Variants in PDE4D observed in about 807,000 individuals in gnomAD.
PDE4D encodes phosphodiesterase 4D.
PDE4D carries 24 observed loss-of-function variants against 87.4 expected under a neutral mutation model. The observed-to-expected ratio is 0.27, with a 90% CI of 0.20 to 0.39. PDE4D has a LOEUF of 0.39. Ranked by LOEUF, PDE4D falls within the 10% of genes least tolerant of loss-of-function variation. PDE4D has a pLI of 1.00. For synonymous variants in PDE4D, 384 were observed against 383.2 expected, an observed-to-expected ratio of 1.00 and a Z score of -0.02; for missense variants, 714 against 1,041.0, an observed-to-expected ratio of 0.69 and a Z score of 4.32.
chr5:60,270,507 T>C (rs1437884624), intron 1 of PDE4D, among the ~76,000 whole-genome samples: 1 of 152,224 alleles, frequency 6.6e-6, no homozygotes. Context: ...ATTTTTCATC[T>C]TTATCTCTAT....
intron 1 of PDE4D, among the ~76,000 whole-genome samples, chr5:59,627,088 C>A (rs1251908993): frequency 2.6e-5 from 4 of 152,104 alleles, no homozygotes; most frequent in African/African-American, 9.7e-5. Context: ...GTCTACTCTA[C>A]AACCACATTC....
At chr5:59,535,076 TGGG>T (rs72213048) in intron 1 of PDE4D, among the ~76,000 whole-genome samples, 1 of 107,520 alleles carries the variant, frequency 9.3e-6, no homozygotes, top group East Asian at 5.0e-4. Flanking sequence ...TGTGTGTGTG[TGGG>T]GGGGGGGTCC....
chr5:59,276,808 A>G (rs983087670), intron 1 of PDE4D, among the ~76,000 whole-genome samples: 2 of 152,044 alleles, frequency 1.3e-5, no homozygotes, highest in Non-Finnish European at 2.9e-5. Flanking sequence ...TATCTTGTCA[A>G]TATCTCTTAT....
At chr5:59,533,194 A>T (rs1199226390) in intron 1 of PDE4D, among the ~76,000 whole-genome samples, 1 of 152,238 alleles carries the variant, frequency 6.6e-6, no homozygotes, top group Non-Finnish European at 1.5e-5. Context: ...ATCTTTCAAA[A>T]AATGGCACTT....
At chr5:60,137,299 C>T (rs193249002) in intron 2 of PDE4D, among the ~76,000 whole-genome samples, 16 of 152,296 alleles carry the variant, frequency 1.1e-4, no homozygotes, top group Admixed American at 7.9e-4. Context: ...GATTTATATT[C>T]CTTTGGGTAT....
At chr5:60,424,752 T>C (rs889805530) in intron 1 of PDE4D, among the ~76,000 whole-genome samples, 1 of 152,202 alleles carries the variant, frequency 6.6e-6, no homozygotes, top group Admixed American at 6.5e-5. Context: ...TGTCCCTGTT[T>C]GCAGATGACA....
chr5:60,016,888 ATC>A (rs1344454954), intron 2 of PDE4D, among the ~76,000 whole-genome samples: 1 of 152,210 alleles, frequency 6.6e-6, no homozygotes, highest in African/African-American at 2.4e-5. Flanking sequence ...TCTTAATTGT[ATC>A]TAGAGTAGTA....
rs6866033 is a variant in PDE4D at position 59,766,706 on chromosome 5, C to T, written c.455+126462G>A. Among the ~76,000 whole-genome samples, 999 of 152,372 alleles carry T rather than the reference C, an allele frequency of 6.6e-3. 9 individuals are homozygous for T. The highest frequency in any genetic ancestry group is 0.023 in the African/African-American group (955 of 41,588). The stretch of plus-strand genomic sequence containing the variant: ...AGCTCTCCTGCTCTGGCACCCGATG[C>T]CTGGCCTTGAGCCAACCTTCTCCTT... On this transcript the variant is annotated intron_variant, in intron 1 of 14. Coordinates refer to ENST00000340635, the MANE Select transcript of PDE4D (RefSeq NM_001104631.2).
At chr5:59,500,670 G>T (rs1158314602) in intron 1 of PDE4D, among the ~76,000 whole-genome samples, 1 of 152,098 alleles carries the variant, frequency 6.6e-6, no homozygotes, top group Non-Finnish European at 1.5e-5. Context: ...CACTACGTGG[G>T]CAGTGGGATC....
At chr5:59,826,949 G>C (rs1910789) in intron 1 of PDE4D, among the ~76,000 whole-genome samples, 1 of 151,790 alleles carries the variant, frequency 6.6e-6, no homozygotes, top group Non-Finnish European at 1.5e-5. Flanking sequence ...AATGTTACAG[G>C]TGTCACAGGA....
At position 59,913,864 on chromosome 5, in the gene PDE4D, T is replaced by A. The variant is rs1236218749; in HGVS notation, c.272+74624A>T. Reference sequence around the variant, plus strand: ...AAGGATGATCAGAGTAAAATCAGGGTTTTTTTGGCATGAAATTGTAGTTTT... The same window carrying A: ...AAGGATGATCAGAGTAAAATCAGGGATTTTTTGGCATGAAATTGTAGTTTT... On this transcript the variant is annotated intron_variant, in intron 3 of 16. Transcript: ENST00000502484. Among the ~76,000 whole-genome samples the A allele has an allele frequency of 5.9e-5, 9 of 151,974 alleles. No individual in the cohort carries two copies. The South Asian group carries it at 1.9e-3, about 32-fold the overall frequency.
rs75831919 is a variant in PDE4D at position 60,401,669 on chromosome 5, G to A, written c.-90+86273C>T. Among the ~76,000 whole-genome samples the A allele has an allele frequency of 6.7e-3, 1,022 of 152,306 alleles. 9 individuals carry two copies. Among genetic ancestry groups the A allele is most frequent in the African/African-American group, 0.022 (932 of 41,558 alleles). ...CATCTCAGGAGTCTACGTGTTAAAC[G>A]TGAGCACTGGCTAATTCTTCATCTT... On this transcript the variant is annotated intron_variant, in intron 1 of 16. Coordinates refer to the PDE4D transcript ENST00000502484.
At chr5:59,688,246 C>T (rs948232719) in intron 1 of PDE4D, among the ~76,000 whole-genome samples, 2 of 152,174 alleles carry the variant, frequency 1.3e-5, no homozygotes, top group Non-Finnish European at 2.9e-5. Context: ...AACTCTCCAC[C>T]ACAAATCAAC....
chr5:59,660,572 C>T (rs6873715), intron 1 of PDE4D, among the ~76,000 whole-genome samples: 4,363 of 152,100 alleles, frequency 0.029, 183 homozygotes, highest in African/African-American at 0.089. Context: ...GTGCTTTTGC[C>T]TTTTAAAGAG....
chr5:59,272,203 G>C (rs1763956037), intron 1 of PDE4D, among the ~76,000 whole-genome samples: 1 of 151,848 alleles, frequency 6.6e-6, no homozygotes, highest in Admixed American at 6.6e-5. Context: ...CAGCAGGAAA[G>C]AAAAAAGTCC....
At chr5:60,101,632 T>C (rs187752888) in intron 2 of PDE4D, among the ~76,000 whole-genome samples, 18 of 152,246 alleles carry the variant, frequency 1.2e-4, no homozygotes, top group Admixed American at 3.9e-4. Flanking sequence ...CTACATTATA[T>C]GTATACTCTG....
chr5:60,326,351 T>C (rs973778902), intron 1 of PDE4D, among the ~76,000 whole-genome samples: 4 of 152,136 alleles, frequency 2.6e-5, no homozygotes, highest in Non-Finnish European at 5.9e-5. Flanking sequence ...TTACTTTTTA[T>C]TTAACCATTC....
intron 1 of PDE4D, among the ~76,000 whole-genome samples, chr5:59,287,780 G>A (rs1767273832): frequency 6.6e-6 from 1 of 152,044 alleles, no homozygotes; most frequent in Non-Finnish European, 1.5e-5. Flanking sequence ...CTGTTTGTTT[G>A]GGAGAAAGTA....
intron 1 of PDE4D, among the ~76,000 whole-genome samples, chr5:59,306,028 T>C (rs960094603): frequency 6.6e-6 from 1 of 152,210 alleles, no homozygotes; most frequent in African/African-American, 2.4e-5. Context: ...TCTATCTCAT[T>C]TCTTAGGTCT....
Sources: allele counts gnomAD v4.1 joint callset (sites outside exome capture counted in the v4.1 genomes callset), GRCh38; gene constraint gnomAD v4.1.1; transcripts MANE v1.5; gene names NCBI Gene and HGNC (gene_info 2026-07-23, HGNC 2026-07-21).